CLVS1: variants seen among roughly 807,000 people sequenced by gnomAD.
CLVS1 encodes the protein clavesin 1, also known as clavesin-1.
A neutral mutation model predicts 33.1 loss-of-function variants in CLVS1; 10 were observed. The observed-to-expected ratio is 0.30, with a 90% CI of 0.19 to 0.51. The LOEUF is 0.51. Among genes scored for constraint, CLVS1 ranks in the 20% least tolerant of loss-of-function variants. The pLI, the probability that CLVS1 is intolerant of heterozygous loss-of-function variation, is 0.97. For synonymous variants in CLVS1, 163 were observed against 166.1 expected, an observed-to-expected ratio of 0.98 and a Z score of 0.14; for missense variants, 343 against 433.4, an observed-to-expected ratio of 0.79 and a Z score of 1.85.
At chr8:61,076,911 C>A (rs1466364062) in intron 1 of CLVS1, among the ~76,000 whole-genome samples, 1 of 152,194 alleles carries the variant, frequency 6.6e-6, no homozygotes, top group Non-Finnish European at 1.5e-5. Context: ...CCCTGCAAGT[C>A]CCCGGCTCAG....
At chr8:61,059,432 T>C (rs1804536617) in intron 1 of CLVS1, among the ~76,000 whole-genome samples, 1 of 130,966 alleles carries the variant, frequency 7.6e-6, no homozygotes, top group African/African-American at 2.7e-5. Flanking sequence ...ATGCAAGACC[T>C]ATATCATATA....
intron 2 of CLVS1, among the ~76,000 whole-genome samples, chr8:61,234,691 C>G (rs144796180): frequency 0.019 from 2,848 of 152,274 alleles, 49 homozygotes; most frequent in Middle Eastern, 0.037. Flanking sequence ...CGGACAATGG[C>G]AGACCCCAGG....
At chr8:61,155,097 G>A (rs191081234) in intron 2 of CLVS1, among the ~76,000 whole-genome samples, 99 of 152,310 alleles carry the variant, frequency 6.5e-4, no homozygotes, top group African/African-American at 2.1e-3. Context: ...GATGTTGTCA[G>A]AAACAGGAAA....
chr8:61,334,266 G>T (rs899248723), intron 2 of CLVS1, among the ~76,000 whole-genome samples: 3 of 152,188 alleles, frequency 2.0e-5, no homozygotes, highest in African/African-American at 7.2e-5. Flanking sequence ...GGAGGAAGGA[G>T]ACACTCTTAA....
rs1208357552 is a variant in CLVS1, at chr8:61,454,068, G to GC, written c.631-72dup. 1.8e-5 allele frequency: 18 copies of GC among 1,004,022 alleles called. No individual in the cohort carries two copies. In the East Asian group the frequency reaches 4.3e-4, roughly 24 times the overall value. 62.2% of individuals were successfully genotyped at this position (1,004,022 alleles called of 1,614,324 possible). A position where few individuals can be genotyped will look rare whatever the true frequency, so the allele number is the denominator to read the frequency against. ...CAGGAAAAACAGGTTGTTCTTTGGG[G>GC]CATTGGTCCTGCTGGTCCAGTCTAA... is the stretch of plus-strand genomic sequence containing the variant. On this transcript the variant is annotated intron_variant, in intron 3 of 5. Transcript: ENST00000325897.
At chr8:61,017,686 G>C in the CLVS1 span, among the ~76,000 whole-genome samples, 1 of 152,252 alleles carries the variant, frequency 6.6e-6, no homozygotes, top group African/African-American at 2.4e-5. Flanking sequence ...AGTATCCCCA[G>C]AAAGGCCATT....
At chr8:61,303,250 A>G (rs572482638) in intron 2 of CLVS1, among the ~76,000 whole-genome samples, 5 of 152,358 alleles carry the variant, frequency 3.3e-5, no homozygotes, top group African/African-American at 1.2e-4. Context: ...TGGTCCATGT[A>G]TATCCCAAAG....
rs553899273 is a variant in CLVS1 at position 61,332,087 on chromosome 8, C to T, written c.455+31805C>T. On this transcript the variant is annotated intron_variant, in intron 2 of 5. Coordinates refer to ENST00000325897, the MANE Select transcript of CLVS1 (RefSeq NM_173519.3). ...CCTCCAAGTGTTAGTATCTATAGGT[C>T]TTCATCCTCTGAGAAAAGTACCCCC... Among the ~76,000 whole-genome samples, 9 of 152,300 alleles carry T rather than the reference C, an allele frequency of 5.9e-5. No homozygotes were observed. In the South Asian group the frequency reaches 1.9e-3, roughly 32 times the overall value.
chr8:61,187,277 T>G (rs1480682820), intron 2 of CLVS1, among the ~76,000 whole-genome samples: 1 of 152,158 alleles, frequency 6.6e-6, no homozygotes, highest in Non-Finnish European at 1.5e-5. Flanking sequence ...GCATGCTAGA[T>G]ATCCCATATT....
At chr8:61,020,140 C>T in the CLVS1 span, among the ~76,000 whole-genome samples, 1 of 152,238 alleles carries the variant, frequency 6.6e-6, no homozygotes, top group African/African-American at 2.4e-5. Context: ...TTCCAAACTG[C>T]CAATAAATAA....
At chr8:61,077,464 A>G (rs1466646521) in intron 1 of CLVS1, among the ~76,000 whole-genome samples, 1 of 141,938 alleles carries the variant, frequency 7.0e-6, no homozygotes, top group Non-Finnish European at 1.5e-5. Flanking sequence ...TATTATTATT[A>G]TTATTATTAT....
At chr8:61,277,404 G>A (rs1037567984) in intron 2 of CLVS1, among the ~76,000 whole-genome samples, 7 of 152,138 alleles carry the variant, frequency 4.6e-5, no homozygotes, top group Admixed American at 6.5e-5. Context: ...CTACTGGTTC[G>A]GGGTCAGGTC....
chr8:61,070,912 G>C (rs948494442), intron 1 of CLVS1, among the ~76,000 whole-genome samples: 3 of 152,158 alleles, frequency 2.0e-5, no homozygotes, highest in African/African-American at 7.2e-5. Flanking sequence ...TCTGGTTGGG[G>C]TCCTTCCTCT....
At chr8:61,446,707 G>A (rs7824533) in intron 3 of CLVS1, among the ~76,000 whole-genome samples, 35,116 of 151,958 alleles carry the variant, frequency 0.23, 6,929 homozygotes, top group African/African-American at 0.54. Flanking sequence ...CCCACCTCTC[G>A]GTACTGCCAC....
intron 3 of CLVS1, among the ~76,000 whole-genome samples, chr8:61,429,729 G>A (rs1422461544): frequency 6.6e-6 from 1 of 152,162 alleles, no homozygotes; most frequent in African/African-American, 2.4e-5. Flanking sequence ...ATCTGAAATA[G>A]AATAGCTTAA....
chr8:61,116,564 G>A (rs893418208), intron 1 of CLVS1, among the ~76,000 whole-genome samples: 1 of 152,158 alleles, frequency 6.6e-6, no homozygotes, highest in Non-Finnish European at 1.5e-5. Flanking sequence ...GTAACAAAGG[G>A]ATCCAGTTTT....
intron 2 of CLVS1, among the ~76,000 whole-genome samples, chr8:61,250,019 G>C (rs1808901031): frequency 6.6e-6 from 1 of 152,070 alleles, no homozygotes; most frequent in African/African-American, 2.4e-5. Context: ...GTATTGCCCA[G>C]GTTTTCTTCT....
At chr8:61,224,132 A>T (rs1808280017) in intron 2 of CLVS1, among the ~76,000 whole-genome samples, 1 of 152,108 alleles carries the variant, frequency 6.6e-6, no homozygotes, top group Non-Finnish European at 1.5e-5. Context: ...AGCTCAGCAT[A>T]GATTTTTATT....
At chr8:61,460,066 T>C (rs952704356) in intron 5 of CLVS1, among the ~76,000 whole-genome samples, 3 of 152,188 alleles carry the variant, frequency 2.0e-5, no homozygotes, top group Admixed American at 6.5e-5. Context: ...TTAAAAGTCA[T>C]ATATCCAAAT....
Sources: allele counts gnomAD v4.1 joint callset (sites outside exome capture counted in the v4.1 genomes callset), GRCh38; gene constraint gnomAD v4.1.1; transcripts MANE v1.5; gene names NCBI Gene and HGNC (gene_info 2026-07-23, HGNC 2026-07-21).